GNAS: variants seen among roughly 807,000 people sequenced by gnomAD.
GNAS encodes protein ALEX.
In GNAS, 8 loss-of-function variants were observed where a neutral mutation model predicts 54.5. That is an observed-to-expected ratio of 0.15 (90% CI 0.09 to 0.26). GNAS has a LOEUF of 0.26. Among genes scored for constraint, GNAS ranks in the 10% least tolerant of loss-of-function variants. The pLI is 1.00. For synonymous variants in GNAS, 204 were observed against 191.4 expected, an observed-to-expected ratio of 1.07 and a Z score of -0.54; for missense variants, 170 against 529.8, an observed-to-expected ratio of 0.32 and a Z score of 6.67.
intron 1 of GNAS, among the ~76,000 whole-genome samples, chr20:58,859,730 G>A (rs933511827): frequency 2.6e-5 from 4 of 151,386 alleles, no homozygotes; most frequent in African/African-American, 4.9e-5. Flanking sequence ...GGGTTCAAGC[G>A]ATTCTCCTGC....
intron 2 of GNAS, among the ~76,000 whole-genome samples, 169 bp downstream of exon 2, chr20:58,895,853 C>G (rs1395859365): frequency 6.6e-6 from 1 of 152,072 alleles, no homozygotes; most frequent in Non-Finnish European, 1.5e-5. Context: ...TCCCTCACCC[C>G]CCACCCCCTT....
intron 1 of GNAS, among the ~76,000 whole-genome samples, chr20:58,851,282 C>T (rs1417445843): frequency 1.3e-5 from 2 of 152,132 alleles, no homozygotes; most frequent in Non-Finnish European, 2.9e-5. Flanking sequence ...CCTGTGGTAC[C>T]CTGGCTCTAA....
Position 58,909,695 on chromosome 20 carries a change from A to G in GNAS, c.730A>G (p.Ile244Val), listed in dbSNP as rs777939817. The change falls in exon 10 of 13, where the codon ATC (isoleucine) becomes GTC (valine). Residue 244 changes from isoleucine to valine, a missense_variant. This residue lies in a region of GNAS where 36 missense variants were observed against 223.0 expected (regional missense o/e 0.16). Coordinates refer to ENST00000371085, the MANE Select transcript of GNAS (RefSeq NM_000516.7). The surrounding 1 kb of genome is among the most constrained non-coding windows in gnomAD (Gnocchi z 7.3). ...TCTCTTTGGTTAAGATGTGACTGCC[A>G]TCATCTTCGTGGTGGCCAGCAGCAG... ...WIQCFNDVTA[I>V]IFVVASSSYN... The G allele has an allele frequency of 6.2e-7, 1 of 1,614,110 alleles. No individual in the cohort carries two copies. Among genetic ancestry groups the G allele is most frequent in the South Asian group, 1.1e-5 (1 of 91,086 alleles).
chr20:58,896,041 A>G (rs1337041434), intron 2 of GNAS, among the ~76,000 whole-genome samples: 1 of 152,156 alleles, frequency 6.6e-6, no homozygotes, highest in African/African-American at 2.4e-5. Flanking sequence ...CAGTGTCTTC[A>G]ACGTGGCTTT....
At chr20:58,865,531 A>ACG (rs1568940455) in intron 1 of GNAS, among the ~76,000 whole-genome samples, 8 of 143,822 alleles carry the variant, frequency 5.6e-5, no homozygotes, top group African/African-American at 2.1e-4. Flanking sequence ...TATATCATCT[A>ACG]TAATATAAAA....
At position 58,878,916 on chromosome 20, in the gene GNAS, G is replaced by T. The variant is rs1292209328; in HGVS notation, c.44-16696G>T. On this transcript the variant is annotated intron_variant, in intron 1 of 12. Transcript: ENST00000306090. ...CGGTGGTGGTGGGGGTGCGGGTGGGGGGGGGAGGGAGACAAATCAGATGTA... is the reference window on the plus strand; with the variant it reads ...CGGTGGTGGTGGGGGTGCGGGTGGGTGGGGGAGGGAGACAAATCAGATGTA... Among the ~76,000 whole-genome samples, 53 of 151,484 alleles carry T rather than the reference G, an allele frequency of 3.5e-4. 1 individual carries two copies. The highest frequency in any genetic ancestry group is 3.4e-3 in the Middle Eastern group (1 of 294).
At chr20:58,852,853 CT>C (rs2086238300) in intron 1 of GNAS, 1 of 288,750 alleles carries the variant, frequency 3.5e-6, no homozygotes, top group Non-Finnish European at 5.9e-6. Context: ...CAGCTCGGCA[CT>C]GGAACCGGCG....
At chr20:58,851,008 G>T (rs902054683) in intron 1 of GNAS, 3 of 398,186 alleles carry the variant, frequency 7.5e-6, no homozygotes, top group Non-Finnish European at 1.3e-5. Flanking sequence ...CCGGCGCTGG[G>T]GTCGGAGGGG....
intron 1 of GNAS, among the ~76,000 whole-genome samples, chr20:58,871,243 C>A (rs925338414): frequency 5.9e-5 from 9 of 152,130 alleles, no homozygotes; most frequent in African/African-American, 1.9e-4. Context: ...TTCCCTTTGG[C>A]CAGTTGTTTA....
In GNAS at chr20:58,853,102, G is replaced by C; in HGVS notation, c.43+12216G>C. 1 of 1,421,326 alleles carries C rather than the reference G, an allele frequency of 7.0e-7. No homozygotes were observed. Among genetic ancestry groups the C allele is most frequent in the Non-Finnish European group, 9.1e-7 (1 of 1,093,626 alleles). The allele number at this position is 1,421,326 out of a possible 1,614,324, so 88.0% of individuals were successfully genotyped here. ...CAGCCTCAGTCTAGGGTTCCTTCCA[G>C]GCCTTGAACCCCCCAACCTCACAAG... is the stretch of plus-strand genomic sequence containing the variant. On this transcript the variant is annotated intron_variant, in intron 1 of 12. Coordinates refer to the GNAS transcript ENST00000306090. The surrounding 1 kb of genome is among the most constrained non-coding windows in gnomAD (Gnocchi z 4.4).
intron 1 of GNAS, among the ~76,000 whole-genome samples, chr20:58,877,309 G>A (rs1393107533): frequency 6.6e-6 from 1 of 152,058 alleles, no homozygotes; most frequent in Non-Finnish European, 1.5e-5. Flanking sequence ...CTGAGCCTGT[G>A]CACCAGTGGC....
At position 58,883,252 on chromosome 20, in the gene GNAS, T is replaced by A. The variant is rs373359621; in HGVS notation, c.44-12360T>A. Among the ~76,000 whole-genome samples, 75 of 152,374 alleles carry A rather than the reference T, an allele frequency of 4.9e-4. 1 individual carries two copies. In the South Asian group the frequency reaches 6.2e-3, roughly 13 times the overall value. On this transcript the variant is annotated intron_variant, in intron 1 of 12. Coordinates refer to the GNAS transcript ENST00000306090. Reference sequence around the variant, plus strand: ...AAGAAACTGGCTATATTTAGTTTTTTAAGCAAGTCTGCTTTGTGTTCTTTG... The same window carrying A: ...AAGAAACTGGCTATATTTAGTTTTTAAAGCAAGTCTGCTTTGTGTTCTTTG...
intron 2 of GNAS, chr20:58,898,582 C>T (rs1196048906): frequency 2.9e-6 from 1 of 345,756 alleles, no homozygotes; most frequent in East Asian, 5.2e-5. Flanking sequence ...TATGCGCTGC[C>T]ATATTCTCCA....
intron 3 of GNAS, chr20:58,900,292 C>T (rs945322919): frequency 2.0e-5 from 8 of 392,230 alleles, no homozygotes; most frequent in African/African-American, 1.6e-4. Flanking sequence ...ACTAGATGTC[C>T]TGCTAAACCC....
upstream of GNAS, among the ~76,000 whole-genome samples, chr20:58,890,995 G>A (rs1369383285): frequency 6.6e-6 from 1 of 151,254 alleles, no homozygotes; most frequent in East Asian, 2.0e-4. Flanking sequence ...GCCCGCGGGA[G>A]GGGGAGGAGG....
In GNAS at chr20:58,891,647, CGGCCCTCCCGGCCCGCGTG is replaced by C. The variant is rs1402461107; in HGVS notation, c.-79_-61del. The C allele has an allele frequency of 6.2e-6, 6 of 970,496 alleles. No homozygotes were observed. The highest frequency in any genetic ancestry group is 6.1e-6 in the Non-Finnish European group (5 of 822,760). 60.1% of individuals were successfully genotyped at this position (970,496 alleles called of 1,614,324 possible). A position where few individuals can be genotyped will look rare whatever the true frequency, so the allele number is the denominator to read the frequency against. Reference sequence around the variant, plus strand: ...CCGGCCCGCCCGCCCGGCGCTGCCCCGGCCCTCCCGGCCCGCGTGAGGCCGCCCGCGCCCGCCGCCGCCG... The same window carrying C: ...CCGGCCCGCCCGCCCGGCGCTGCCCCAGGCCGCCCGCGCCCGCCGCCGCCG... On this transcript the variant is annotated 5_prime_UTR_variant, in exon 1 of 13. Coordinates refer to ENST00000371085, the MANE Select transcript of GNAS (RefSeq NM_000516.7).
In GNAS at chr20:58,853,353, C is replaced by A; in HGVS notation, c.43+12467C>A. ...AATCGGGGAACAGCCCGAGCAACCA[C>A]CTTTGGAGGCCCCAGGGGCAGCTGC... On this transcript the variant is annotated intron_variant, in intron 1 of 12. Coordinates refer to the GNAS transcript ENST00000306090. This position sits in a 1 kb window ranked among gnomAD's most constrained non-coding sequence, Gnocchi z 4.4. 1 of 1,552,350 alleles carries A rather than the reference C, an allele frequency of 6.4e-7. No individual in the cohort carries two copies. Among genetic ancestry groups the A allele is most frequent in the Non-Finnish European group, 8.7e-7 (1 of 1,147,944 alleles).
upstream of GNAS, chr20:58,840,274 G>A (rs1437493984): frequency 1.9e-6 from 3 of 1,612,028 alleles, no homozygotes; most frequent in South Asian, 2.2e-5. This position sits in a 1 kb window ranked among gnomAD's most constrained non-coding sequence, Gnocchi z 6.0. Flanking sequence ...AGCAGCGCGC[G>A]GCTGCCCAAC....
upstream of GNAS, chr20:58,840,493 T>C (rs1800903): frequency 3.7e-6 from 6 of 1,612,942 alleles, no homozygotes; most frequent in South Asian, 5.5e-5. The surrounding 1 kb of genome is among the most constrained non-coding windows in gnomAD (Gnocchi z 6.0). Context: ...AGACCGAGCC[T>C]GAGACCGCCC....
Sources: gnomAD v4.1 joint callset for allele counts (sites outside exome capture counted in the v4.1 genomes callset) on GRCh38, gnomAD v4.1.1 for gene constraint, gnomAD v4.1.1 regional missense constraint, Gnocchi (gnomAD v3.1) non-coding constraint, MANE v1.5 for transcripts, NCBI Gene and HGNC (gene_info 2026-07-23, HGNC 2026-07-21) for gene names.